The following GRM7 variants were observed in gnomAD, a reference collection of about 807,000 sequenced individuals.
GRM7 encodes glutamate metabotropic receptor 7.
In GRM7, 35 loss-of-function variants were observed where a neutral mutation model predicts 84.5. That is an observed-to-expected ratio of 0.41 (90% confidence interval 0.32 to 0.55). GRM7 has a LOEUF of 0.55. GRM7 is among the 20% of genes least tolerant of loss of function. The pLI is 0.19. For missense variants in GRM7, 1,003 were observed against 1,194.6 expected (o/e 0.84, Z 2.36); for synonymous variants, 487 against 455.1 (o/e 1.07, Z -0.89).
At chr3:7,299,810 C>A (rs1468771845) in intron 3 of GRM7, among the ~76,000 whole-genome samples, 3 of 152,020 alleles carry the variant, frequency 2.0e-5, no homozygotes, top group African/African-American at 7.2e-5. Context: ...TAACTGCTCC[C>A]TTATTAATTG....
intron 1 of GRM7, among the ~76,000 whole-genome samples, chr3:6,960,755 G>T (rs1693265475): frequency 6.6e-6 from 1 of 152,052 alleles, no homozygotes; most frequent in Non-Finnish European, 1.5e-5. Flanking sequence ...TGATGACCCA[G>T]GTTCCCTTAT....
At chr3:7,516,268 T>C (rs1039528561) in intron 7 of GRM7, among the ~76,000 whole-genome samples, 7 of 148,562 alleles carry the variant, frequency 4.7e-5, no homozygotes, top group African/African-American at 9.9e-5. Context: ...ATAAGGTCAG[T>C]ACATCAAGAC....
intron 9 of GRM7, among the ~76,000 whole-genome samples, chr3:7,713,875 G>T (rs961740958): frequency 3.5e-5 from 5 of 142,792 alleles, no homozygotes; most frequent in African/African-American, 1.3e-4. Context: ...CATTGCCTGG[G>T]AAGTGGAAAC....
chr3:7,686,919 A>T (rs1700608704), intron 9 of GRM7, among the ~76,000 whole-genome samples: 1 of 152,214 alleles, frequency 6.6e-6, no homozygotes, highest in Non-Finnish European at 1.5e-5. Context: ...AAGTGTACAC[A>T]TTCCTAAAAA....
chr3:7,526,794 AT>A (rs991999241), intron 7 of GRM7, among the ~76,000 whole-genome samples: 29 of 152,074 alleles, frequency 1.9e-4, no homozygotes, highest in Admixed American at 3.3e-4. Flanking sequence ...TCCTTTCCCT[AT>A]TGTTTATTTT....
intron 9 of GRM7, among the ~76,000 whole-genome samples, chr3:7,689,758 C>T (rs572742452): frequency 6.6e-6 from 1 of 152,200 alleles, no homozygotes; most frequent in Admixed American, 6.5e-5. Context: ...CATTGCACTG[C>T]CCTATCTGGT....
At chr3:7,101,761 A>G (rs1437935692) in intron 1 of GRM7, among the ~76,000 whole-genome samples, 3 of 148,096 alleles carry the variant, frequency 2.0e-5, no homozygotes, top group African/African-American at 7.3e-5. Flanking sequence ...ACATGTAAAT[A>G]TCTAATTAAT....
intron 1 of GRM7, among the ~76,000 whole-genome samples, chr3:7,123,554 G>A (rs758214557): frequency 6.6e-6 from 1 of 152,092 alleles, no homozygotes. Flanking sequence ...AGGAGGCGGA[G>A]GTTGCAGTGA....
intron 7 of GRM7, among the ~76,000 whole-genome samples, chr3:7,577,779 C>T (rs1222549177): frequency 1.3e-5 from 2 of 152,132 alleles, no homozygotes; most frequent in Non-Finnish European, 2.9e-5. Flanking sequence ...ACAATTAAAG[C>T]CTTCATTAGT....
chr3:7,228,393 T>G (rs115593497), intron 2 of GRM7, among the ~76,000 whole-genome samples: 2,100 of 152,300 alleles, frequency 0.014, 38 homozygotes, highest in African/African-American at 0.041. Context: ...AATAAAGGAT[T>G]GGAAACAAAA....
chr3:7,234,773 T>C (rs1469542890), intron 2 of GRM7, among the ~76,000 whole-genome samples: 1 of 152,338 alleles, frequency 6.6e-6, no homozygotes, highest in East Asian at 1.9e-4. Context: ...AATTTGTTAA[T>C]GTCATGGTCA....
chr3:7,454,190 C>T (rs1244709615), intron 6 of GRM7, among the ~76,000 whole-genome samples: 1 of 151,112 alleles, frequency 6.6e-6, no homozygotes, highest in Non-Finnish European at 1.5e-5. Flanking sequence ...GCCACATCAA[C>T]CATATTTCAA....
chr3:7,181,466 T>G (rs1291008999), intron 2 of GRM7, among the ~76,000 whole-genome samples: 1 of 152,206 alleles, frequency 6.6e-6, no homozygotes, highest in African/African-American at 2.4e-5. Context: ...TATTCTCATT[T>G]TTTTTTAAGG....
chr3:7,233,567 C>T (rs1051105387), intron 2 of GRM7, among the ~76,000 whole-genome samples: 1 of 152,056 alleles, frequency 6.6e-6, no homozygotes, highest in African/African-American at 2.4e-5. Flanking sequence ...TCTGTAACAG[C>T]TATTTTGAAA....
chr3:6,965,066 A>C (rs1693462762), intron 1 of GRM7, among the ~76,000 whole-genome samples: 2 of 152,190 alleles, frequency 1.3e-5, no homozygotes, highest in Admixed American at 6.5e-5. Flanking sequence ...GGAAGCAGCA[A>C]GTAAAGGTCA....
chr3:7,406,049 G>C (rs79273014), intron 4 of GRM7, among the ~76,000 whole-genome samples: 4,350 of 151,120 alleles, frequency 0.029, 219 homozygotes, highest in African/African-American at 0.1. Flanking sequence ...CATTTTTTTG[G>C]CTCCTAGAAT....
intron 2 of GRM7, among the ~76,000 whole-genome samples, chr3:7,282,226 C>T (rs1461096950): frequency 6.6e-6 from 1 of 152,218 alleles, no homozygotes; most frequent in Non-Finnish European, 1.5e-5. Context: ...CAATCAATGG[C>T]TTAAAATAAT....
intron 7 of GRM7, among the ~76,000 whole-genome samples, chr3:7,478,598 G>A (rs1302106000): frequency 6.6e-6 from 1 of 152,186 alleles, no homozygotes; most frequent in East Asian, 1.9e-4. Context: ...AGCTCTTGAT[G>A]AAATAGGGTC....
At chr3:7,419,079 A>G (rs1297221805) in intron 5 of GRM7, among the ~76,000 whole-genome samples, 1 of 152,140 alleles carries the variant, frequency 6.6e-6, no homozygotes, top group Non-Finnish European at 1.5e-5. Flanking sequence ...GGAATTCATG[A>G]AGATCTTTTT....
Sources: gnomAD v4.1 joint callset for allele counts (sites outside exome capture counted in the v4.1 genomes callset) on GRCh38, gnomAD v4.1.1 for gene constraint, MANE v1.5 for transcripts, NCBI Gene and HGNC (gene_info 2026-07-23, HGNC 2026-07-21) for gene names.